The following PECR variants were observed in gnomAD, a reference collection of about 807,000 sequenced individuals.
PECR encodes 2,4-dienoyl-CoA reductase-related protein.
PECR carries 30 observed loss-of-function variants against 35.3 expected under a neutral mutation model. That is an observed-to-expected ratio of 0.85 (90% CI 0.64 to 1.15). The LOEUF (loss-of-function observed/expected upper bound fraction) is 1.15. PECR is among the 50% of genes most tolerant of loss of function. PECR has a pLI of 0.00. For missense variants in PECR, 392 were observed against 370.8 expected, an observed-to-expected ratio of 1.06 and a Z score of -0.47; for synonymous variants, 148 against 138.9, an observed-to-expected ratio of 1.07 and a Z score of -0.46.
intron 3 of PECR, among the ~76,000 whole-genome samples, chr2:216,061,152 AAAAAT>A (rs1695338788): frequency 6.7e-6 from 1 of 148,460 alleles, no homozygotes; most frequent in African/African-American, 2.5e-5. Context: ...AAAAAAAAAA[AAAAAT>A]TAGCTGAGCA....
chr2:216,079,779 G>A (rs948229423), intron 1 of PECR, among the ~76,000 whole-genome samples: 31 of 149,782 alleles, frequency 2.1e-4, no homozygotes, highest in African/African-American at 7.5e-4. Flanking sequence ...GTCGGGAGTT[G>A]GAGACCAGCC....
intron 5 of PECR, 128 bp downstream of exon 5, chr2:216,051,321 T>C: frequency 1.5e-6 from 1 of 683,606 alleles, no homozygotes; most frequent in Non-Finnish European, 2.6e-6. Flanking sequence ...AGGCTTTCCA[T>C]TTTATCTATG....
At chr2:216,044,186 A>AC in intron 6 of PECR, among the ~76,000 whole-genome samples, 171 bp from the exon 7 acceptor site, 1 of 152,294 alleles carries the variant, frequency 6.6e-6, no homozygotes, top group South Asian at 2.1e-4. Flanking sequence ...TTTTCCTACA[A>AC]TTTCCCTTTC....
intron 7 of PECR, among the ~76,000 whole-genome samples, chr2:216,031,679 GAA>G (rs769170537): frequency 0.033 from 1,686 of 51,082 alleles, 37 homozygotes; most frequent in African/African-American, 0.11. Context: ...AAGAAAGAAA[GAA>G]AGAAAGAAAG....
intron 6 of PECR, among the ~76,000 whole-genome samples, chr2:216,046,214 A>G (rs1001407815): frequency 1.0e-4 from 15 of 148,812 alleles, no homozygotes; most frequent in Middle Eastern, 3.6e-3. Flanking sequence ...AATTAATAAT[A>G]TTTCTTAAAT....
chr2:216,032,393 G>A (rs1302125068), intron 7 of PECR, among the ~76,000 whole-genome samples: 7 of 152,172 alleles, frequency 4.6e-5, no homozygotes, highest in Non-Finnish European at 1.0e-4. Context: ...TATGAACTCA[G>A]GTACAACAAT....
intron 1 of PECR, among the ~76,000 whole-genome samples, chr2:216,075,713 G>A (rs891496910): frequency 2.0e-5 from 3 of 152,228 alleles, no homozygotes; most frequent in African/African-American, 4.8e-5. Context: ...AGTATGCTGC[G>A]TTCCTGCTTA....
intron 1 of PECR, among the ~76,000 whole-genome samples, chr2:216,077,880 C>T (rs1369290483): frequency 3.3e-5 from 5 of 151,308 alleles, no homozygotes; most frequent in African/African-American, 7.3e-5. Flanking sequence ...GATTTTTAGC[C>T]ATTTTTCTGA....
chr2:216,041,028 T>G (rs570273445), intron 7 of PECR, among the ~76,000 whole-genome samples: 3 of 152,284 alleles, frequency 2.0e-5, no homozygotes, highest in South Asian at 2.1e-4. Context: ...AGAGCCAAGT[T>G]TCCATCTTAG....
chr2:216,035,981 T>C (rs1218831061), downstream of PECR, among the ~76,000 whole-genome samples: 1 of 152,244 alleles, frequency 6.6e-6, no homozygotes, highest in Admixed American at 6.5e-5. Context: ...CTCCTCATAG[T>C]GACAGATACC....
chr2:216,065,560 G>T, intron 2 of PECR, 83 bp from the exon 3 acceptor site: 1 of 831,480 alleles, frequency 1.2e-6, no homozygotes. Context: ...GCTCTAGACA[G>T]AGTTTGCAAT....
chr2:216,081,626 A>C lies in PECR; in HGVS notation c.116T>G (p.Leu39Arg). The C allele has an allele frequency of 3.7e-6, 6 of 1,613,676 alleles. No individual in the cohort carries two copies. Among genetic ancestry groups the C allele is most frequent in the Non-Finnish European group, 5.1e-6 (6 of 1,179,950 alleles). ...GIGKAIVKEL[L>R]ELGSNVVIAS... ...GCGGCCCGCTCACGTACCCAGCTCC[A>C]GGAGCTCCTTCACGATGGCTTTTCC... The change falls in exon 1 of 8, where the codon CTG (leucine) becomes CGG (arginine). Residue 39 changes from leucine (L) to arginine (R), a missense_variant. Coordinates refer to ENST00000265322, the MANE Select transcript of PECR (RefSeq NM_018441.6).
rs1287558799 is a variant in PECR, at chr2:216,061,134, A to C, written c.425-2158T>G. Among the ~76,000 whole-genome samples the C allele has an allele frequency of 2.3e-3, 331 of 144,002 alleles. 3 individuals carry two copies. Among genetic ancestry groups the C allele is most frequent in the African/African-American group, 8.2e-3 (320 of 39,186 alleles). 94.5% of individuals were successfully genotyped at this position (144,002 alleles called of 152,430 possible). A position where few individuals can be genotyped will look rare whatever the true frequency, so the allele number is the denominator to read the frequency against. ...AGGGGAGACCCCGGCTCTACCAAAA[A>C]AAAAAAAAAAAAAAAAAAAAAATTA... On this transcript the variant is annotated intron_variant, in intron 3 of 7. Coordinates refer to ENST00000265322, the MANE Select transcript of PECR (RefSeq NM_018441.6).
rs770980463 is a variant in PECR at position 216,051,505 on chromosome 2, T to C, written c.547A>G (p.Lys183Glu). 4.3e-6 allele frequency: 7 copies of C among 1,613,462 alleles called. No homozygotes were observed. In the East Asian group the frequency reaches 1.6e-4, roughly 36 times the overall value. ...CAGGCCCATTCCAAAGCTAAAGATT[T>C]GGTGAGGTTGTAAACACCTGCTCTT... ...AARAGVYNLT[K>E]SLALEWACSG... The change falls in exon 5 of 8, where the codon AAA (lysine) becomes GAA (glutamate). Residue 183 changes from lysine to glutamate, a missense_variant. Transcript: ENST00000265322.
rs774370622 is a variant in PECR at position 216,081,624 on chromosome 2, C to A, written c.118G>T (p.Glu40Ter). The A allele has an allele frequency of 3.1e-6, 5 of 1,613,782 alleles. No individual in the cohort carries two copies. In the South Asian group the frequency reaches 5.5e-5, roughly 18 times the overall value. Reference protein sequence around the residue: ...IGKAIVKELLELGSNVVIASR... With the variant: ...IGKAIVKELL The stretch of plus-strand genomic sequence containing the variant: ...CAGCGGCCCGCTCACGTACCCAGCT[C>A]CAGGAGCTCCTTCACGATGGCTTTT... Residue 40 changes from glutamate (E) to a stop codon, truncating the protein, a stop_gained, in exon 1 of 8, where the codon GAG becomes TAG. Transcript: ENST00000265322. LOFTEE classifies it high-confidence loss of function.
At chr2:216,065,577 C>G (rs1269044388) in intron 2 of PECR, 100 bp from the exon 3 acceptor site, 1 of 751,920 alleles carries the variant, frequency 1.3e-6, no homozygotes, top group Admixed American at 1.9e-5. Context: ...CAATCTCTCA[C>G]AGTGAACAGT....
intron 4 of PECR, among the ~76,000 whole-genome samples, chr2:216,057,282 C>T (rs1419832913): frequency 6.6e-6 from 1 of 152,004 alleles, no homozygotes; most frequent in Non-Finnish European, 1.5e-5. Flanking sequence ...GGAAACAACC[C>T]AAATGCTCAC....
intron 7 of PECR, among the ~76,000 whole-genome samples, chr2:216,041,437 A>G (rs978881366): frequency 3.3e-5 from 5 of 152,204 alleles, no homozygotes; most frequent in African/African-American, 1.2e-4. Context: ...TATCCTATGG[A>G]CATCACCACA....
chr2:216,051,941 C>G (rs967673528), intron 4 of PECR, among the ~76,000 whole-genome samples: 18 of 152,340 alleles, frequency 1.2e-4, no homozygotes, highest in Non-Finnish European at 7.3e-5. Flanking sequence ...AATCCTAGCA[C>G]TTTGGGAGGC....
Sources: allele counts gnomAD v4.1 joint callset (sites outside exome capture counted in the v4.1 genomes callset), GRCh38; gene constraint gnomAD v4.1.1; transcripts MANE v1.5; gene names NCBI Gene and HGNC (gene_info 2026-07-23, HGNC 2026-07-21).